LUZP2: variants seen among roughly 807,000 people sequenced by gnomAD.
LUZP2 encodes the protein leucine zipper protein 2.
Under a neutral mutation model 51.6 loss-of-function variants are expected in LUZP2, and 52 were observed. The ratio of observed to expected loss-of-function variants is 1.01; its 90% CI spans 0.81 to 1.27. The LOEUF (loss-of-function observed/expected upper bound fraction) is 1.27. LUZP2 is among the 50% of genes most tolerant of loss of function. The probability of loss-of-function intolerance (pLI) is 0.00; values close to 1 mark genes in which losing one functional copy is unlikely to be tolerated. For missense variants in LUZP2, 436 were observed against 395.4 expected (o/e 1.10, Z -0.87); for synonymous variants, 154 against 137.3 (o/e 1.12, Z -0.85).
intron 5 of LUZP2, among the ~76,000 whole-genome samples, chr11:24,900,556 AC>A (rs1853245537): frequency 6.6e-6 from 1 of 152,298 alleles, no homozygotes; most frequent in African/African-American, 2.4e-5. Flanking sequence ...TTGCCTCCTT[AC>A]ACATTTTAAG....
chr11:24,845,452 AAT>A (rs1208870313), intron 5 of LUZP2, among the ~76,000 whole-genome samples: 5 of 152,290 alleles, frequency 3.3e-5, no homozygotes, highest in Non-Finnish European at 5.9e-5. Context: ...CTTTTCAGTT[AAT>A]GCTGAAATGA....
chr11:24,855,386 A>T (rs1274395990), intron 5 of LUZP2, among the ~76,000 whole-genome samples: 2 of 152,162 alleles, frequency 1.3e-5, no homozygotes, highest in Admixed American at 1.3e-4. Flanking sequence ...TACCTACAAA[A>T]AATATCTAGG....
At chr11:24,976,472 CTGTT>C (rs140531879) in intron 7 of LUZP2, 115 bp from the exon 8 acceptor site, 218,589 of 496,490 alleles carry the variant, frequency 0.44, 35,680 homozygotes, top group Admixed American at 0.53. Flanking sequence ...TTACAGGACA[CTGTT>C]TTTTTTTTTT....
At chr11:24,990,346 A>C (rs1856302335) in intron 9 of LUZP2, among the ~76,000 whole-genome samples, 2 of 152,086 alleles carry the variant, frequency 1.3e-5, no homozygotes, top group Admixed American at 6.6e-5. Context: ...ATGTTTTATG[A>C]ATTTTATATG....
In LUZP2 at chr11:24,994,080, C is replaced by T. The variant is rs546563181; in HGVS notation, c.765+10787C>T. 1.1e-4 allele frequency among the ~76,000 whole-genome samples: 17 copies of T among 151,262 alleles called. No individual in the cohort carries two copies. In the South Asian group the frequency reaches 2.3e-3, roughly 21 times the overall value. On this transcript the variant is annotated intron_variant, in intron 9 of 11. Coordinates refer to ENST00000336930, the MANE Select transcript of LUZP2 (RefSeq NM_001009909.4). ...TTCACCATGTTAATCAGTCTGGTCT[C>T]GAACTGCTGACGTCATAATCTGCCT... is the stretch of plus-strand genomic sequence containing the variant.
intron 5 of LUZP2, among the ~76,000 whole-genome samples, chr11:24,809,562 C>A (rs1849956061): frequency 1.3e-5 from 2 of 152,094 alleles, no homozygotes; most frequent in Non-Finnish European, 2.9e-5. Flanking sequence ...CTTCATAAGA[C>A]TGGCATAGCC....
intron 7 of LUZP2, among the ~76,000 whole-genome samples, chr11:24,971,320 T>C (rs925444364): frequency 3.3e-5 from 5 of 152,136 alleles, no homozygotes; most frequent in African/African-American, 1.2e-4. Flanking sequence ...TAGTTCACAA[T>C]AGGGTTCATG....
At position 24,579,349 on chromosome 11, in the gene LUZP2, A is replaced by G. The variant is rs1304670174; in HGVS notation, c.62+82044A>G. Among the ~76,000 whole-genome samples, 4 of 152,108 alleles carry G rather than the reference A, an allele frequency of 2.6e-5. No homozygotes were observed. The East Asian group carries it at 5.8e-4, about 22-fold the overall frequency. Reference sequence around the variant, plus strand: ...GAACCTATTTTGAAACTTCAAGACTAGGAGATATATACACTATAGATATGA... The same window carrying G: ...GAACCTATTTTGAAACTTCAAGACTGGGAGATATATACACTATAGATATGA... On this transcript the variant is annotated intron_variant, in intron 1 of 11. Coordinates refer to ENST00000336930, the MANE Select transcript of LUZP2 (RefSeq NM_001009909.4).
At chr11:24,505,744 T>A (rs1408731296) in intron 1 of LUZP2, among the ~76,000 whole-genome samples, 1 of 151,970 alleles carries the variant, frequency 6.6e-6, no homozygotes, top group East Asian at 1.9e-4. Flanking sequence ...TTGGGGGCAA[T>A]GTGGAAGCCA....
intron 9 of LUZP2, among the ~76,000 whole-genome samples, chr11:24,998,372 C>T (rs1856572022): frequency 6.6e-6 from 1 of 152,140 alleles, no homozygotes; most frequent in Non-Finnish European, 1.5e-5. Context: ...ATTTTATTCT[C>T]TTTGAAGCAA....
intron 1 of LUZP2, among the ~76,000 whole-genome samples, chr11:24,538,366 A>T (rs2133840164): frequency 6.6e-6 from 1 of 151,914 alleles, no homozygotes; most frequent in Admixed American, 6.6e-5. Context: ...TAAGAAGAAA[A>T]CATGGAAATA....
At chr11:25,011,896 A>T (rs1049395070) in intron 9 of LUZP2, among the ~76,000 whole-genome samples, 1 of 151,658 alleles carries the variant, frequency 6.6e-6, no homozygotes, top group East Asian at 1.9e-4. Context: ...TTAAAATTTA[A>T]TATATATATT....
At chr11:24,919,771 A>G (rs907640220) in intron 7 of LUZP2, among the ~76,000 whole-genome samples, 1 of 150,708 alleles carries the variant, frequency 6.6e-6, no homozygotes, top group Non-Finnish European at 1.5e-5. Context: ...CAAGTAGTTC[A>G]TGAAAATTAT....
chr11:24,795,594 C>T (rs1849524058), intron 5 of LUZP2, among the ~76,000 whole-genome samples: 1 of 152,082 alleles, frequency 6.6e-6, no homozygotes, highest in African/African-American at 2.4e-5. Context: ...TAGTACAAAT[C>T]TCACAACTAA....
chr11:24,738,274 C>T lies in LUZP2; in HGVS notation c.305C>T (p.Ser102Leu). Residue 102 changes from serine (S) to leucine (L), a missense_variant, in exon 4 of 12, where the codon TCA becomes TTA. Transcript: ENST00000336930. ...EALQNQLKET[S>L]EKAEKHQATI... is the part of the protein sequence containing the mutation. Reference sequence around the variant, plus strand: ...CTGCAAAATCAGCTTAAGGAGACATCAGAGAAAGCAGAAAAACACCAGGCT... The same window carrying T: ...CTGCAAAATCAGCTTAAGGAGACATTAGAGAAAGCAGAAAAACACCAGGCT... The T allele has an allele frequency of 6.2e-7, 1 of 1,612,478 alleles. No individual in the cohort carries two copies. Among genetic ancestry groups the T allele is most frequent in the South Asian group, 1.1e-5 (1 of 90,988 alleles).
intron 1 of LUZP2, among the ~76,000 whole-genome samples, chr11:24,643,057 T>C (rs559326730): frequency 3.3e-5 from 5 of 152,002 alleles, no homozygotes; most frequent in African/African-American, 4.8e-5. Context: ...TTGTGAAGGC[T>C]AAAATCTAGG....
intron 1 of LUZP2, among the ~76,000 whole-genome samples, chr11:24,681,271 G>A (rs528981808): frequency 3.9e-5 from 6 of 152,266 alleles, no homozygotes; most frequent in Admixed American, 3.3e-4. Flanking sequence ...GTGAGCCACC[G>A]CGCCCGGCCT....
At chr11:24,934,673 T>A (rs1387175782) in intron 7 of LUZP2, among the ~76,000 whole-genome samples, 1 of 152,238 alleles carries the variant, frequency 6.6e-6, no homozygotes, top group African/African-American at 2.4e-5. Context: ...TCAGGACTTG[T>A]AAATACATTT....
Position 24,567,785 on chromosome 11 carries a change from A to G in LUZP2, c.62+70480A>G, listed in dbSNP as rs147466184. The stretch of plus-strand genomic sequence containing the variant: ...AAAATAAATGAGACTTTATATAAAT[A>G]AAAACTGAGAAAATGTGTTGCTAGC... On this transcript the variant is annotated intron_variant, in intron 1 of 11. Transcript: ENST00000336930. 8.5e-3 allele frequency among the ~76,000 whole-genome samples: 1,290 copies of G among 152,254 alleles called. 20 individuals carry two copies. The highest frequency in any genetic ancestry group is 0.03 in the African/African-American group (1,233 of 41,550).
Sources: allele counts gnomAD v4.1 joint callset (sites outside exome capture counted in the v4.1 genomes callset), GRCh38; gene constraint gnomAD v4.1.1; transcripts MANE v1.5; gene names NCBI Gene and HGNC (gene_info 2026-07-23, HGNC 2026-07-21).